The following EHBP1 variants were observed in gnomAD, a reference collection of about 807,000 sequenced individuals.
EHBP1 encodes the protein EH domain-binding protein 1.
In EHBP1, 55 loss-of-function variants were observed where a neutral mutation model predicts 144.0. The ratio of observed to expected loss-of-function variants is 0.38; its 90% CI spans 0.31 to 0.48. EHBP1 has a LOEUF of 0.48. Ranked by LOEUF, EHBP1 falls within the 20% of genes least tolerant of loss-of-function variation. EHBP1 has a pLI of 0.98. For synonymous variants in EHBP1, 469 were observed against 472.7 expected, an observed-to-expected ratio of 0.99 and a Z score of 0.10; for missense variants, 1,200 against 1,364.2, an observed-to-expected ratio of 0.88 and a Z score of 1.90.
At chr2:62,715,797 C>A (rs2035614501) in intron 2 of EHBP1, among the ~76,000 whole-genome samples, 1 of 152,170 alleles carries the variant, frequency 6.6e-6, no homozygotes, top group Non-Finnish European at 1.5e-5. Flanking sequence ...CAGGTTGCTT[C>A]CAGCCATACT....
chr2:62,835,236 ATATACT>A (rs1482249504), intron 7 of EHBP1, among the ~76,000 whole-genome samples: 3 of 152,072 alleles, frequency 2.0e-5, no homozygotes, highest in Non-Finnish European at 4.4e-5. Context: ...CCTTCAACTG[ATATACT>A]TAAATGTATT....
At chr2:62,998,427 C>T (rs1220842514) in intron 19 of EHBP1, among the ~76,000 whole-genome samples, 2 of 152,004 alleles carry the variant, frequency 1.3e-5, no homozygotes, top group Non-Finnish European at 2.9e-5. Flanking sequence ...TTAACTATTT[C>T]CTGTAAATAT....
chr2:62,874,408 A>G lies in EHBP1; in HGVS notation c.1061A>G (p.Gln354Arg). Residue 354 changes from glutamine to arginine, a missense_variant, in exon 10 of 23, where the codon CAA becomes CGA. Physicochemically the swap from Gln to Arg is conservative, Grantham distance 43 (BLOSUM62 1). This residue lies in a region of EHBP1 where 266 missense variants were observed against 262.4 expected (regional missense o/e 1.01). Coordinates refer to ENST00000431489, the MANE Select transcript of EHBP1 (RefSeq NM_001142616.3). Reference sequence around the variant, plus strand: ...CCAAATAATTTGGTAAATCCTGTTCAAGAACTAGAAACTGAAAGGCGAGTG... The same window carrying G: ...CCAAATAATTTGGTAAATCCTGTTCGAGAACTAGAAACTGAAAGGCGAGTG... ...PPPNNLVNPV[Q>R]ELETERRVKR... 2 of 1,613,638 alleles carry G rather than the reference A, an allele frequency of 1.2e-6. No homozygotes were observed.
intron 14 of EHBP1, among the ~76,000 whole-genome samples, chr2:62,969,995 A>C (rs1282613964): frequency 6.6e-6 from 1 of 152,164 alleles, no homozygotes; most frequent in Non-Finnish European, 1.5e-5. Context: ...TAAACCTTCT[A>C]AAATCTTGTA....
chr2:62,806,249 G>A (rs1039015034), intron 5 of EHBP1, among the ~76,000 whole-genome samples: 4 of 152,162 alleles, frequency 2.6e-5, no homozygotes, highest in Non-Finnish European at 4.4e-5. Context: ...CTCCCAAAGT[G>A]CTGGGATTGC....
intron 9 of EHBP1, among the ~76,000 whole-genome samples, chr2:62,873,374 A>C (rs1003682950): frequency 6.6e-6 from 1 of 152,200 alleles, no homozygotes; most frequent in African/African-American, 2.4e-5. Flanking sequence ...GGAGAATTAA[A>C]TATTAGACAC....
At chr2:63,021,255 C>T (rs1161764564) in intron 19 of EHBP1, among the ~76,000 whole-genome samples, 1 of 152,056 alleles carries the variant, frequency 6.6e-6, no homozygotes, top group Non-Finnish European at 1.5e-5. Flanking sequence ...TCCCCCAGCC[C>T]CCCAGAAAAG....
chr2:62,693,842 C>A (rs536244391), intron 1 of EHBP1, among the ~76,000 whole-genome samples: 1 of 152,284 alleles, frequency 6.6e-6, no homozygotes, highest in Non-Finnish European at 1.5e-5. Context: ...AACTTTTTAG[C>A]TCCCACATAT....
At chr2:62,779,881 C>T (rs1046648499) in intron 5 of EHBP1, among the ~76,000 whole-genome samples, 9 of 151,996 alleles carry the variant, frequency 5.9e-5, no homozygotes, top group Non-Finnish European at 1.2e-4. Context: ...ACACGTCTCC[C>T]GGCTCAATAA....
At chr2:62,811,054 A>G (rs2044962030) in intron 5 of EHBP1, among the ~76,000 whole-genome samples, 2 of 152,102 alleles carry the variant, frequency 1.3e-5, no homozygotes, top group Non-Finnish European at 2.9e-5. Context: ...AAGGTTGAGG[A>G]TTTTTATTTG....
chr2:63,033,576 A>T (rs1010121331), intron 19 of EHBP1, among the ~76,000 whole-genome samples: 1 of 152,160 alleles, frequency 6.6e-6, no homozygotes, highest in African/African-American at 2.4e-5. Flanking sequence ...ATCTTTATAG[A>T]TAGATAATTT....
At chr2:62,799,396 C>G (rs2043812336) in intron 5 of EHBP1, among the ~76,000 whole-genome samples, 1 of 152,034 alleles carries the variant, frequency 6.6e-6, no homozygotes, top group Admixed American at 6.6e-5. Flanking sequence ...TATGACTGTT[C>G]AGTTTTAAAT....
chr2:62,971,389 G>A (rs140076057), intron 14 of EHBP1, among the ~76,000 whole-genome samples: 307 of 151,970 alleles, frequency 2.0e-3, no homozygotes, highest in Non-Finnish European at 2.8e-3. Context: ...TGCTGGGAAC[G>A]TAAGTTTTAA....
At chr2:62,729,014 G>T (rs571743007) in intron 2 of EHBP1, among the ~76,000 whole-genome samples, 19 of 151,522 alleles carry the variant, frequency 1.3e-4, no homozygotes, top group African/African-American at 4.6e-4. Flanking sequence ...GTCTAGTCTG[G>T]TTATTTTCTT....
chr2:62,730,983 T>G lies in EHBP1; in HGVS notation c.105-16412T>G, dbSNP rs146136755. Among the ~76,000 whole-genome samples, 11 of 149,994 alleles carry G rather than the reference T, an allele frequency of 7.3e-5. No individual in the cohort carries two copies. The East Asian group carries it at 2.2e-3, about 30-fold the overall frequency. On this transcript the variant is annotated intron_variant, in intron 2 of 22. Transcript: ENST00000431489. ...TACTTGTGGGGAGTTTGATTGATAC[T>G]GCATTGAGTCTATAGATCAAATTGG...
chr2:62,786,644 T>C (rs1384612186), intron 5 of EHBP1, among the ~76,000 whole-genome samples: 4 of 152,238 alleles, frequency 2.6e-5, no homozygotes, highest in Non-Finnish European at 5.9e-5. Flanking sequence ...GCACCTTGAA[T>C]CTTAAAGATT....
intron 3 of EHBP1, among the ~76,000 whole-genome samples, chr2:62,756,732 C>T (rs1383107391): frequency 1.4e-5 from 2 of 141,746 alleles, no homozygotes; most frequent in East Asian, 4.1e-4. Flanking sequence ...CGTGCCATTG[C>T]ACTCCAGCCT....
At chr2:63,028,700 GA>G (rs1345331754) in intron 19 of EHBP1, among the ~76,000 whole-genome samples, 1 of 152,034 alleles carries the variant, frequency 6.6e-6, no homozygotes, top group Non-Finnish European at 1.5e-5. Context: ...CTATCTGTCT[GA>G]ATTTGTATTT....
intron 15 of EHBP1, among the ~76,000 whole-genome samples, chr2:62,981,885 G>A (rs1052574475): frequency 6.6e-6 from 1 of 152,172 alleles, no homozygotes; most frequent in Admixed American, 6.5e-5. Flanking sequence ...ATTCCTGAAG[G>A]AGACCAAAGT....
Sources: gnomAD v4.1 joint callset for allele counts (sites outside exome capture counted in the v4.1 genomes callset) on GRCh38, gnomAD v4.1.1 for gene constraint, gnomAD v4.1.1 regional missense constraint, MANE v1.5 for transcripts, NCBI Gene and HGNC (gene_info 2026-07-23, HGNC 2026-07-21) for gene names.